ZNF169: variants seen among roughly 807,000 people sequenced by gnomAD.
ZNF169 encodes the protein zinc finger protein 169.
ZNF169 carries 11 observed loss-of-function variants against 12.0 expected under a neutral mutation model. The ratio of observed to expected loss-of-function variants is 0.92; its 90% CI spans 0.58 to 1.52. ZNF169 has a LOEUF of 1.52. Among genes scored for constraint, ZNF169 ranks in the 40% most tolerant of loss-of-function variants. The pLI, the probability that ZNF169 is intolerant of heterozygous loss-of-function variation, is 0.00. For synonymous variants in ZNF169, 302 were observed against 286.5 expected (o/e 1.05, Z -0.55); for missense variants, 722 against 744.0 (o/e 0.97, Z 0.34).
At chr9:94,288,119 C>A in intron 2 of ZNF169, 1 of 824,564 alleles carries the variant, frequency 1.2e-6, no homozygotes, top group Non-Finnish European at 2.1e-6. Context: ...CCTCATAACC[C>A]AGCACCAGAG....
intron 1 of ZNF169, among the ~76,000 whole-genome samples, chr9:94,277,979 A>G (rs1420024379): frequency 1.3e-5 from 2 of 152,010 alleles, no homozygotes; most frequent in Non-Finnish European, 2.9e-5. Flanking sequence ...CTCAAAACCT[A>G]ACACCATTAA....
chr9:94,265,510 G>A (rs1174196634), intron 1 of ZNF169, among the ~76,000 whole-genome samples: 1 of 151,686 alleles, frequency 6.6e-6, no homozygotes, highest in East Asian at 1.9e-4. Flanking sequence ...AGCCCGGGAG[G>A]TAGAGGTTGC....
intron 4 of ZNF169, chr9:94,293,335 A>G (rs1177235231): frequency 1.7e-5 from 10 of 590,880 alleles, no homozygotes; most frequent in Non-Finnish European, 2.7e-5. Context: ...GGATTTCTCC[A>G]TTCTTGGGCT....
In ZNF169 at chr9:94,300,127, A is replaced by T. The variant is rs770641762; in HGVS notation, c.569A>T (p.Gln190Leu). ...REGGTDLRLA[Q>L]RMSLGGSDTM... ...GGAGGAACAGACCTTCGCCTGGCCC[A>T]AAGGATGAGTCTTGGGGGGTCAGAC... Residue 190 changes from glutamine (Q) to leucine (L), a missense_variant, in exon 5 of 5, where the codon CAA becomes CTA. By Grantham distance (113) the Gln-to-Leu change is moderately radical. Transcript: ENST00000395395. 1.9e-6 allele frequency: 3 copies of T among 1,614,078 alleles called. No individual in the cohort carries two copies. Among genetic ancestry groups the T allele is most frequent in the African/African-American group, 1.3e-5 (1 of 74,934 alleles).
chr9:94,270,861 AAT>A (rs1344054694), intron 1 of ZNF169, among the ~76,000 whole-genome samples: 622 of 13,818 alleles, frequency 0.045, 67 homozygotes, highest in Non-Finnish European at 0.068. Flanking sequence ...AAATATATAT[AAT>A]AATATATATA....
At position 94,300,441 on chromosome 9, in the gene ZNF169, T is replaced by A. The variant is rs754774230; in HGVS notation, c.883T>A (p.Cys295Ser). The A allele has an allele frequency of 1.2e-6, 2 of 1,613,772 alleles. No individual in the cohort carries two copies. Among genetic ancestry groups the A allele is most frequent in the Non-Finnish European group, 1.7e-6 (2 of 1,179,986 alleles). Reference protein sequence around the residue: ...SGEKPYVCRECGRHFRYTSSL... With the variant: ...SGEKPYVCRESGRHFRYTSSL... ...GGAGAAGCCGTATGTGTGCAGGGAA[T>A]GTGGGCGACACTTCAGGTATACATC... Residue 295 changes from cysteine to serine, a missense_variant, in exon 5 of 5, where the codon TGT becomes AGT. Coordinates refer to ENST00000395395, the MANE Select transcript of ZNF169 (RefSeq NM_194320.4).
rs200550757 is a variant in ZNF169 at position 94,301,066 on chromosome 9, G to A, written c.1508G>A (p.Arg503Gln). 57 of 1,614,054 alleles carry A rather than the reference G, an allele frequency of 3.5e-5. No individual in the cohort carries two copies. The highest frequency in any genetic ancestry group is 1.4e-4 in the South Asian group (13 of 91,078). The change falls in exon 5 of 5, where the codon CGA becomes CAA. Residue 503 changes from arginine (R) to glutamine (Q), a missense_variant. Transcript: ENST00000395395. ...RAFGFKSLLT[R>Q]HQRTHSEEEL... ...TTTGGCTTTAAGTCGCTCCTCACCC[G>A]ACACCAGAGGACACACTCAGAGGAG...
At chr9:94,289,458 A>G (rs1587684849) in intron 2 of ZNF169, among the ~76,000 whole-genome samples, 1 of 152,096 alleles carries the variant, frequency 6.6e-6, no homozygotes, top group African/African-American at 2.4e-5. Context: ...ATGATAAGCT[A>G]TATATATGTA....
chr9:94,296,790 C>G (rs939265897), intron 4 of ZNF169: 11 of 456,704 alleles, frequency 2.4e-5, no homozygotes, highest in Admixed American at 1.2e-4. Flanking sequence ...CACTGTAAAT[C>G]CTCCATCTTC....
chr9:94,267,035 A>C (rs1012281319), intron 1 of ZNF169, among the ~76,000 whole-genome samples: 2 of 151,776 alleles, frequency 1.3e-5, no homozygotes, highest in Non-Finnish European at 2.9e-5. Flanking sequence ...CAGCCTTCCG[A>C]GTAGCTGGGA....
chr9:94,274,116 CGG>C (rs1488478741), intron 1 of ZNF169, among the ~76,000 whole-genome samples: 3 of 152,148 alleles, frequency 2.0e-5, no homozygotes, highest in African/African-American at 7.2e-5. Context: ...GTCTTCCCAC[CGG>C]AAGTTTTTAT....
intron 2 of ZNF169, among the ~76,000 whole-genome samples, chr9:94,281,013 T>C (rs1419623975): frequency 6.6e-6 from 1 of 152,176 alleles, no homozygotes; most frequent in Non-Finnish European, 1.5e-5. Context: ...ATAAGAGAGC[T>C]GAACATACTG....
At chr9:94,292,640 T>TGTGTGTGTGTGTGTGTGTGTGC (rs35889937) in intron 3 of ZNF169, 173 bp downstream of exon 3, 13 of 741,212 alleles carry the variant, frequency 1.8e-5, no homozygotes, top group Admixed American at 3.0e-5. Context: ...TGTGTGTGTG[T>TGTGTGTGTGTGTGTGTGTGTGC]GCGCGTGCAC....
intron 1 of ZNF169, among the ~76,000 whole-genome samples, chr9:94,268,024 C>T (rs951058727): frequency 6.9e-6 from 1 of 145,268 alleles, no homozygotes; most frequent in African/African-American, 2.4e-5. Context: ...TGCCACCATA[C>T]CCAGCTAATT....
chr9:94,275,209 C>G (rs957467596), intron 1 of ZNF169, among the ~76,000 whole-genome samples: 1 of 152,200 alleles, frequency 6.6e-6, no homozygotes, highest in Non-Finnish European at 1.5e-5. Context: ...TGCATCCAGC[C>G]TTGGTGACAA....
intron 1 of ZNF169, among the ~76,000 whole-genome samples, chr9:94,266,426 G>T (rs1830295352): frequency 6.6e-6 from 1 of 152,228 alleles, no homozygotes; most frequent in South Asian, 2.1e-4. Context: ...TGGAGTGAAA[G>T]AGTTCAATTT....
intron 1 of ZNF169, among the ~76,000 whole-genome samples, chr9:94,262,775 T>G (rs1830227462): frequency 2.6e-5 from 4 of 152,196 alleles, no homozygotes; most frequent in Admixed American, 2.0e-4. Context: ...GGTCATGATT[T>G]CTGACTACAC....
At chr9:94,292,607 T>TGTGTG in intron 3 of ZNF169, 140 bp downstream of exon 3, 12 of 677,208 alleles carry the variant, frequency 1.8e-5, no homozygotes, top group Middle Eastern at 3.7e-4. Context: ...CACAGTGCAG[T>TGTGTG]TGTGTGTGTG....
At chr9:94,289,914 A>G (rs1830798620) in intron 2 of ZNF169, among the ~76,000 whole-genome samples, 2 of 152,246 alleles carry the variant, frequency 1.3e-5, no homozygotes, top group Admixed American at 1.3e-4. Flanking sequence ...AAAAGCCCAG[A>G]GAACAAACAA....
Sources: gnomAD v4.1 joint callset for allele counts (sites outside exome capture counted in the v4.1 genomes callset) on GRCh38, gnomAD v4.1.1 for gene constraint, MANE v1.5 for transcripts, NCBI Gene and HGNC (gene_info 2026-07-23, HGNC 2026-07-21) for gene names.